Variants in VPS13D observed in about 807,000 individuals in gnomAD.
VPS13D encodes intermembrane lipid transfer protein VPS13D.
In VPS13D, 187 loss-of-function variants were observed where a neutral mutation model predicts 461.9. The ratio of observed to expected loss-of-function variants is 0.40; its 90% CI spans 0.36 to 0.46. The LOEUF (loss-of-function observed/expected upper bound fraction) is 0.46, where lower values mean the gene tolerates loss of function less well. VPS13D is among the 20% of genes least tolerant of loss of function. The pLI, the probability that VPS13D is intolerant of heterozygous loss-of-function variation, is 0.60. For missense variants in VPS13D, 4,711 were observed against 5,364.9 expected (o/e 0.88, Z 3.81); for synonymous variants, 1,951 against 1,986.3 (o/e 0.98, Z 0.47).
At chr1:12,357,254 C>T (rs1328752321) in intron 49 of VPS13D, among the ~76,000 whole-genome samples, 1 of 152,212 alleles carries the variant, frequency 6.6e-6, no homozygotes, top group African/African-American at 2.4e-5. Context: ...TGGGGTACCA[C>T]ACTTCAGTGG....
chr1:12,488,997 T>A (rs1439928857), intron 67 of VPS13D, among the ~76,000 whole-genome samples: 1 of 152,236 alleles, frequency 6.6e-6, no homozygotes, highest in Non-Finnish European at 1.5e-5. Context: ...TCTACTATTT[T>A]GTAAAAGCAA....
rs1645948242 is a variant in VPS13D at position 12,495,737 on chromosome 1, G to A, written c.12663-1763G>A. Among the ~76,000 whole-genome samples the A allele has an allele frequency of 6.6e-6, 1 of 152,190 alleles. No individual in the cohort carries two copies. The highest frequency in any genetic ancestry group is 1.5e-5 in the Non-Finnish European group (1 of 68,030). ...AAGCAGACCCTGCCATATTCCTCTT[G>A]GAGAGCCTTTGGGCTTCTACCATGT... On this transcript the variant is annotated intron_variant, in intron 67 of 69. Transcript: ENST00000620676. This position sits in a 1 kb window ranked among gnomAD's most constrained non-coding sequence, Gnocchi z 4.0.
At chr1:12,460,437 T>C (rs766924082) in intron 67 of VPS13D, 41 bp downstream of exon 67, 1 of 1,505,574 alleles carries the variant, frequency 6.6e-7, no homozygotes, top group South Asian at 1.4e-5. Flanking sequence ...GTTTCCAGCC[T>C]AGGTCTGCTG....
Position 12,363,376 on chromosome 1 carries a change from G to T in VPS13D, c.10448+129G>T, listed in dbSNP as rs1473704857. The T allele has an allele frequency of 4.2e-6, 4 of 954,558 alleles. No individual in the cohort carries two copies. In the African/African-American group the frequency reaches 6.7e-5, roughly 16 times the overall value. The allele number at this position is 954,558 out of a possible 1,614,324, so 59.1% of individuals were successfully genotyped here. ...AGACAGAGGTCTTAGAACTTGCAAA[G>T]TCCAGGGAAGTGTGAGGGGATAATT... On this transcript the variant is annotated intron_variant, in intron 52 of 69. Transcript: ENST00000620676.
At chr1:12,287,886 T>G (rs1221100583) in intron 21 of VPS13D, among the ~76,000 whole-genome samples, 2 of 152,210 alleles carry the variant, frequency 1.3e-5, no homozygotes, top group Non-Finnish European at 2.9e-5. Flanking sequence ...TTAATGGATC[T>G]GTTTGAGTTA....
At position 12,276,749 on chromosome 1, in the gene VPS13D, A is replaced by G; in HGVS notation, c.3161A>G (p.Asp1054Gly). 1 of 1,614,140 alleles carries G rather than the reference A, an allele frequency of 6.2e-7. No homozygotes were observed. The highest frequency in any genetic ancestry group is 8.5e-7 in the Non-Finnish European group (1 of 1,180,012). Reference protein sequence around the residue: ...VSGPNVAHLTDGATLNDRSAT... With the variant: ...VSGPNVAHLTGGATLNDRSAT... ...GGACCGAATGTGGCCCACTTAACTG[A>G]TGGAGCTACACTGAACGACCGATCA... Residue 1054 changes from aspartate (D) to glycine (G), a missense_variant, in exon 19 of 70, where the codon GAT becomes GGT. Transcript: ENST00000620676. The surrounding 1 kb of genome is among the most constrained non-coding windows in gnomAD (Gnocchi z 4.5).
At chr1:12,308,014 G>T (rs930416839) in intron 26 of VPS13D, among the ~76,000 whole-genome samples, 2 of 152,182 alleles carry the variant, frequency 1.3e-5, no homozygotes, top group African/African-American at 4.8e-5. Context: ...GTGGTTACAT[G>T]TGGCAGTATT....
chr1:12,391,096 A>G (rs1644421358), intron 60 of VPS13D, among the ~76,000 whole-genome samples: 1 of 152,204 alleles, frequency 6.6e-6, no homozygotes, highest in Non-Finnish European at 1.5e-5. Flanking sequence ...CCATCCATCC[A>G]GCCAAATCAT....
chr1:12,345,815 A>C (rs568024525), intron 43 of VPS13D, among the ~76,000 whole-genome samples: 6 of 152,132 alleles, frequency 3.9e-5, no homozygotes, highest in Non-Finnish European at 7.3e-5. Context: ...TTTTTATTTC[A>C]CATATTGTTA....
chr1:12,295,510 C>T (rs1429365690), intron 24 of VPS13D, among the ~76,000 whole-genome samples: 1 of 152,050 alleles, frequency 6.6e-6, no homozygotes, highest in Non-Finnish European at 1.5e-5. Context: ...ATACAAGTAG[C>T]ATAATCAAAT....
At chr1:12,270,846 C>A in intron 16 of VPS13D, 148 bp from the exon 17 acceptor site, 1 of 1,043,682 alleles carries the variant, frequency 9.6e-7, no homozygotes, top group Non-Finnish European at 1.4e-6. Context: ...TCCCAAAGTG[C>A]TGGGATTACG....
intron 60 of VPS13D, among the ~76,000 whole-genome samples, chr1:12,398,096 A>G (rs1644522601): frequency 6.6e-6 from 1 of 152,230 alleles, no homozygotes; most frequent in African/African-American, 2.4e-5. Flanking sequence ...AGTTTACTGA[A>G]AGATCACTTT....
intron 50 of VPS13D, 149 bp from the exon 51 acceptor site, chr1:12,362,571 A>G: frequency 1.2e-6 from 1 of 802,856 alleles, no homozygotes; most frequent in Non-Finnish European, 2.0e-6. Context: ...TGCTGTTTTC[A>G]TTACATTCCT....
chr1:12,475,890 A>T (rs1339868456), intron 67 of VPS13D, among the ~76,000 whole-genome samples: 2 of 140,004 alleles, frequency 1.4e-5, no homozygotes, highest in African/African-American at 5.4e-5. Flanking sequence ...TCAATGTTTA[A>T]AAAAAAAAAA....
At chr1:12,478,184 CAA>C (rs1645659379) in intron 67 of VPS13D, among the ~76,000 whole-genome samples, 1 of 152,236 alleles carries the variant, frequency 6.6e-6, no homozygotes, top group South Asian at 2.1e-4. Context: ...CAGTCATGAG[CAA>C]ACAGTCAGTG....
intron 23 of VPS13D, among the ~76,000 whole-genome samples, chr1:12,291,993 T>C (rs1221885179): frequency 1.3e-5 from 2 of 152,168 alleles, no homozygotes; most frequent in Non-Finnish European, 2.9e-5. Flanking sequence ...GCGTGGTGGC[T>C]CACGCCTGTA....
chr1:12,507,542 T>G lies in VPS13D; in HGVS notation c.13035+449T>G, dbSNP rs1646128478. Reference sequence around the variant, plus strand: ...ACTTTTGTTCTAGTAGCATCTAGCATGCTCAATAATTATTTGTAAATAAAA... The same window carrying G: ...ACTTTTGTTCTAGTAGCATCTAGCAGGCTCAATAATTATTTGTAAATAAAA... On this transcript the variant is annotated intron_variant, in intron 69 of 69. Transcript: ENST00000620676. The surrounding 1 kb of genome is among the most constrained non-coding windows in gnomAD (Gnocchi z 5.3). 1 of 423,166 alleles carries G rather than the reference T, an allele frequency of 2.4e-6. No individual in the cohort carries two copies. The highest frequency in any genetic ancestry group is 4.7e-6 in the Non-Finnish European group (1 of 214,402). 26.2% of individuals were successfully genotyped at this position (423,166 alleles called of 1,614,324 possible).
At chr1:12,490,297 A>C (rs981693216) in intron 67 of VPS13D, among the ~76,000 whole-genome samples, 1 of 152,174 alleles carries the variant, frequency 6.6e-6, no homozygotes, top group African/African-American at 2.4e-5. Flanking sequence ...CCTATTTTCC[A>C]TGTGTCCAAA....
In VPS13D at chr1:12,314,237, C is replaced by A; in HGVS notation, c.7058C>A (p.Pro2353His). The A allele has an allele frequency of 6.2e-7, 1 of 1,614,194 alleles. No individual in the cohort carries two copies. The highest frequency in any genetic ancestry group is 2.2e-5 in the East Asian group (1 of 44,878). ...DTRYAGQKTS[P>H]GMTNVFSCIF... is the part of the protein sequence containing the mutation. ...CGTTATGCTGGGCAGAAGACCAGCC[C>A]TGGCATGACGAATGTGTTCAGCTGT... Residue 2353 changes from proline (P) to histidine (H), a missense_variant, in exon 30 of 70, where the codon CCT becomes CAT. Around this residue, in one of 3 missense-constraint regions of VPS13D, gnomAD observed 4,411 missense variants for 4,937.8 expected, o/e 0.89. Coordinates refer to ENST00000620676, the MANE Select transcript of VPS13D (RefSeq NM_015378.4).
Sources: gnomAD v4.1 joint callset for allele counts (sites outside exome capture counted in the v4.1 genomes callset) on GRCh38, gnomAD v4.1.1 for gene constraint, gnomAD v4.1.1 regional missense constraint, Gnocchi (gnomAD v3.1) non-coding constraint, MANE v1.5 for transcripts, NCBI Gene and HGNC (gene_info 2026-07-23, HGNC 2026-07-21) for gene names.